NLGN1: variants seen among roughly 807,000 people sequenced by gnomAD.
The protein encoded by NLGN1 is neuroligin 1, also known as neuroligin-1.
In NLGN1, 12 loss-of-function variants were observed where a neutral mutation model predicts 65.5. That is an observed-to-expected ratio of 0.18 (90% CI 0.12 to 0.30). The LOEUF (loss-of-function observed/expected upper bound fraction) is 0.30. Ranked by LOEUF, NLGN1 falls within the 10% of genes least tolerant of loss-of-function variation. NLGN1 has a pLI of 1.00. For missense variants in NLGN1, 750 were observed against 1,007.1 expected (o/e 0.74, Z 3.46); for synonymous variants, 350 against 359.5 (o/e 0.97, Z 0.30).
At chr3:174,021,362 C>A (rs1727714778) in intron 4 of NLGN1, among the ~76,000 whole-genome samples, 1 of 151,958 alleles carries the variant, frequency 6.6e-6, no homozygotes, top group Non-Finnish European at 1.5e-5. Flanking sequence ...ATTTAAAGAA[C>A]TTTATTTTCT....
chr3:173,876,647 G>A (rs1284363939), intron 4 of NLGN1, among the ~76,000 whole-genome samples: 1 of 152,090 alleles, frequency 6.6e-6, no homozygotes, highest in African/African-American at 2.4e-5. Flanking sequence ...AAATAAAAAT[G>A]TGCTAAAAGA....
At chr3:173,573,774 G>C (rs1374675698) in intron 2 of NLGN1, among the ~76,000 whole-genome samples, 3 of 151,444 alleles carry the variant, frequency 2.0e-5, no homozygotes, top group African/African-American at 7.3e-5. Context: ...GTCAAAAAAA[G>C]ATGAAAAGGC....
chr3:173,879,477 A>G (rs1208666455), intron 4 of NLGN1, among the ~76,000 whole-genome samples: 1 of 152,170 alleles, frequency 6.6e-6, no homozygotes, highest in Non-Finnish European at 1.5e-5. Flanking sequence ...CAGCTGACAT[A>G]TCATTGTATT....
chr3:173,543,923 G>A (rs2149240709), intron 2 of NLGN1, among the ~76,000 whole-genome samples: 1 of 152,232 alleles, frequency 6.6e-6, no homozygotes, highest in Admixed American at 6.6e-5. Flanking sequence ...TGAGTGCAGT[G>A]ATAGAAGTCA....
chr3:173,405,060 TA>T (rs1718371459), intron 1 of NLGN1, among the ~76,000 whole-genome samples: 1 of 152,230 alleles, frequency 6.6e-6, no homozygotes, highest in East Asian at 1.9e-4. Context: ...CTTAAGAATT[TA>T]AAAAAATTTA....
rs116047610 is a variant in NLGN1 at position 173,532,055 on chromosome 3, T to C, written c.-320-72224T>C. ...CACTAGATTTCCTTTGAATTTCCTT[T>C]AATTTGGCCTCTTAACTCATGAATT... On this transcript the variant is annotated intron_variant, in intron 2 of 6. Transcript: ENST00000457714. 6.7e-3 allele frequency among the ~76,000 whole-genome samples: 1,020 copies of C among 152,320 alleles called. 18 individuals carry two copies. Among genetic ancestry groups the C allele is most frequent in the African/African-American group, 0.023 (965 of 41,582 alleles).
intron 4 of NLGN1, among the ~76,000 whole-genome samples, chr3:174,093,592 A>C (rs1233533509): frequency 6.6e-6 from 1 of 152,226 alleles, no homozygotes; most frequent in Non-Finnish European, 1.5e-5. Flanking sequence ...TTAATGCTGT[A>C]CATTAGCCTA....
intron 3 of NLGN1, among the ~76,000 whole-genome samples, chr3:173,707,250 A>G (rs1768183518): frequency 2.6e-5 from 4 of 152,182 alleles, no homozygotes; most frequent in African/African-American, 9.7e-5. Context: ...TGTCTGCCAC[A>G]AAAGGAGTAA....
At chr3:173,679,904 T>C (rs1763724127) in intron 3 of NLGN1, among the ~76,000 whole-genome samples, 1 of 152,100 alleles carries the variant, frequency 6.6e-6, no homozygotes, top group African/African-American at 2.4e-5. Context: ...GCATGTTTTA[T>C]GATAAAAGTT....
chr3:174,094,608 C>T (rs1745112522), intron 4 of NLGN1, among the ~76,000 whole-genome samples: 1 of 151,914 alleles, frequency 6.6e-6, no homozygotes. Flanking sequence ...AGGCAGTCTG[C>T]CCTGAGGGTA....
At chr3:173,867,567 A>G (rs1578880411) in intron 4 of NLGN1, among the ~76,000 whole-genome samples, 2 of 152,266 alleles carry the variant, frequency 1.3e-5, no homozygotes, top group East Asian at 1.9e-4. Flanking sequence ...AAAGAAACAT[A>G]TAATGTTGGT....
intron 4 of NLGN1, among the ~76,000 whole-genome samples, chr3:173,976,404 T>C (rs933690723): frequency 4.6e-5 from 7 of 151,950 alleles, no homozygotes; most frequent in Admixed American, 2.6e-4. Flanking sequence ...GTAAAACTCA[T>C]TGGGAGTAAC....
At chr3:174,266,201 C>T (rs1256351207) in intron 4 of NLGN1, among the ~76,000 whole-genome samples, 1 of 151,956 alleles carries the variant, frequency 6.6e-6, no homozygotes, top group Non-Finnish European at 1.5e-5. Flanking sequence ...AATCTTCACC[C>T]TCCCCCTAGC....
chr3:173,986,499 A>G (rs1276096499), intron 4 of NLGN1, among the ~76,000 whole-genome samples: 2 of 152,070 alleles, frequency 1.3e-5, no homozygotes, highest in Non-Finnish European at 1.5e-5. Context: ...ATAAATAAAA[A>G]GGATGGGGGG....
chr3:173,637,408 C>A (rs972027327), intron 3 of NLGN1, among the ~76,000 whole-genome samples: 1 of 151,930 alleles, frequency 6.6e-6, no homozygotes, highest in African/African-American at 2.4e-5. Flanking sequence ...ACTAAATGAC[C>A]CCTATTGGTG....
At chr3:173,397,231 AACCAAT>A (rs1377802558), upstream of NLGN1, among the ~76,000 whole-genome samples, 18 of 152,164 alleles carry the variant, frequency 1.2e-4, no homozygotes, top group Admixed American at 1.2e-3. Flanking sequence ...TTCTGCATAA[AACCAAT>A]ACATTTTACT....
intron 3 of NLGN1, among the ~76,000 whole-genome samples, chr3:173,611,401 C>A (rs1214366306): frequency 6.6e-6 from 1 of 151,784 alleles, no homozygotes; most frequent in Non-Finnish European, 1.5e-5. Context: ...AACTAAAACA[C>A]AACAACAAAA....
In NLGN1 at chr3:173,643,874, G is replaced by T. The variant is rs142288465; in HGVS notation, c.493+38783G>T. Among the ~76,000 whole-genome samples, 4 of 152,254 alleles carry T rather than the reference G, an allele frequency of 2.6e-5. No homozygotes were observed. The East Asian group carries it at 7.8e-4, about 30-fold the overall frequency. ...TGCCATCATGTGCACTGGTACAGGTGTGTGCCACCACACTTGACTTTCTCT... is the reference window on the plus strand; with the variant it reads ...TGCCATCATGTGCACTGGTACAGGTTTGTGCCACCACACTTGACTTTCTCT... On this transcript the variant is annotated intron_variant, in intron 3 of 6. Transcript: ENST00000457714.
At chr3:174,242,346 T>C (rs577162026) in intron 4 of NLGN1, among the ~76,000 whole-genome samples, 10 of 150,896 alleles carry the variant, frequency 6.6e-5, no homozygotes, top group Non-Finnish European at 1.2e-4. Context: ...TGAGCCGAGA[T>C]TGCGACACTG....
Sources: gnomAD v4.1 joint callset for allele counts (sites outside exome capture counted in the v4.1 genomes callset) on GRCh38, gnomAD v4.1.1 for gene constraint, MANE v1.5 for transcripts, NCBI Gene and HGNC (gene_info 2026-07-23, HGNC 2026-07-21) for gene names.